CHM: variants seen among roughly 807,000 people sequenced by gnomAD.
The protein encoded by CHM is rab proteins geranylgeranyltransferase component A 1.
CHM carries 10 observed loss-of-function variants against 49.0 expected under a neutral mutation model. The observed-to-expected ratio is 0.20, with a 90% confidence interval of 0.13 to 0.35. The LOEUF (loss-of-function observed/expected upper bound fraction) is 0.35. Among genes scored for constraint, CHM ranks in the 10% least tolerant of loss-of-function variants. CHM has a pLI of 1.00. For missense variants in CHM, 455 were observed against 478.4 expected (o/e 0.95, Z 0.46); for synonymous variants, 184 against 167.5 (o/e 1.10, Z -0.76).
chrX:85,981,360 A>C lies in CHM; in HGVS notation c.189+377T>G, dbSNP rs1242975885. 2.7e-4 allele frequency among the ~76,000 whole-genome samples: 28 copies of C among 105,424 alleles called. No individual in the cohort carries two copies. The Admixed American group carries it at 2.7e-3, about 10-fold the overall frequency. The allele number at this position is 105,424 out of a possible 115,157, so 91.5% of individuals were successfully genotyped here. The stretch of plus-strand genomic sequence containing the variant: ...GTGATTCTCCTGCCTCAGCCTCCTG[A>C]GTAGCTGGGACTACAGGCACGTGCC... On this transcript the variant is annotated intron_variant, in intron 3 of 14. Transcript: ENST00000357749.
At chrX:86,026,106 T>TC in intron 2 of CHM, among the ~76,000 whole-genome samples, 1 of 43,224 alleles carries the variant, frequency 2.3e-5, no homozygotes, top group Non-Finnish European at 3.5e-5. Flanking sequence ...GATTTTCTTT[T>TC]TTTTTTTTTT....
intron 14 of CHM, 49 bp downstream of exon 14, chrX:85,873,003 A>G: frequency 8.7e-7 from 1 of 1,143,676 alleles, no homozygotes; most frequent in Non-Finnish European, 1.2e-6. Flanking sequence ...AATATTTCCC[A>G]ACCACACCAA....
At chrX:86,010,352 A>AT (rs1259111656) in intron 2 of CHM, among the ~76,000 whole-genome samples, 1 of 104,216 alleles carries the variant, frequency 9.6e-6, no homozygotes. Context: ...TTAAAGGATA[A>AT]TTAAAAAAAA....
At position 86,026,569 on chromosome X, in the gene CHM, T is replaced by C. The variant is rs1296750931; in HGVS notation, c.116+922A>G. On this transcript the variant is annotated intron_variant, in intron 2 of 14. Transcript: ENST00000357749. ...AGGCAGGACGTGTATGAAAACTGAA[T>C]CCAATTTAGAAATTTCATCCAGTTG... Among the ~76,000 whole-genome samples the C allele has an allele frequency of 4.5e-5, 5 of 111,608 alleles. 1 individual carries two copies. The Admixed American group carries it at 4.8e-4, about 11-fold the overall frequency.
intron 4 of CHM, among the ~76,000 whole-genome samples, chrX:85,966,053 A>G (rs973567152): frequency 8.9e-6 from 1 of 111,790 alleles, no homozygotes; most frequent in African/African-American, 3.3e-5. Flanking sequence ...TTAATCAAAG[A>G]TAAGATACTA....
At chrX:86,038,907 T>C (rs1174025710) in intron 1 of CHM, among the ~76,000 whole-genome samples, 1 of 112,435 alleles carries the variant, frequency 8.9e-6, no homozygotes, top group Non-Finnish European at 1.9e-5. Context: ...GTTAAAATAA[T>C]CTCATCTTGA....
intron 12 of CHM, among the ~76,000 whole-genome samples, chrX:85,883,518 T>C (rs974433858): frequency 9.0e-6 from 1 of 111,273 alleles, no homozygotes; most frequent in African/African-American, 3.3e-5. Context: ...GGCTTATACT[T>C]TCTCAGTAGA....
At chrX:85,947,451 G>C (rs1243556601) in intron 8 of CHM, among the ~76,000 whole-genome samples, 2 of 111,285 alleles carry the variant, frequency 1.8e-5, no homozygotes, top group African/African-American at 3.3e-5. Context: ...CTCCTGCTCT[G>C]GTCATGTGAC....
At chrX:85,875,511 C>T (rs771043050) in intron 13 of CHM, among the ~76,000 whole-genome samples, 5 of 111,360 alleles carry the variant, frequency 4.5e-5, no homozygotes, top group African/African-American at 1.3e-4. Context: ...ACAACAATAA[C>T]AAGAAAGCAA....
chrX:85,876,838 T>C (rs1924448990), intron 13 of CHM, among the ~76,000 whole-genome samples: 1 of 111,438 alleles, frequency 9.0e-6, no homozygotes. Context: ...CTAAAATGGA[T>C]AGAGGATGCT....
intron 11 of CHM, among the ~76,000 whole-genome samples, chrX:85,897,326 T>C (rs1290370663): frequency 9.7e-6 from 1 of 103,439 alleles, no homozygotes; most frequent in Non-Finnish European, 2.0e-5. Flanking sequence ...TGTGTGTGTG[T>C]GTGTGTGTGT....
In CHM at chrX:85,864,456, T is replaced by C; in HGVS notation, c.*174A>G. The stretch of plus-strand genomic sequence containing the variant: ...AGCAAGTCAATGTGCTTTATAAGTG[T>C]TGTGTGTTCTTGGAATGTCCTCTAT... On this transcript the variant is annotated 3_prime_UTR_variant, in exon 15 of 15. Transcript: ENST00000357749. 3 of 468,673 alleles carry C rather than the reference T, an allele frequency of 6.4e-6. No homozygotes were observed. The highest frequency in any genetic ancestry group is 5.9e-4 in the Middle Eastern group (1 of 1,691). 38.6% of individuals were successfully genotyped at this position (468,673 alleles called of 1,213,427 possible). A position where few individuals can be genotyped will look rare whatever the true frequency, so the allele number is the denominator to read the frequency against.
chrX:86,014,719 C>T (rs1933218720), intron 2 of CHM, among the ~76,000 whole-genome samples: 2 of 111,928 alleles, frequency 1.8e-5, no homozygotes, highest in Admixed American at 9.5e-5. Context: ...GGCACGGTGG[C>T]TCACACCTGT....
At chrX:85,937,273 A>G (rs1367488751) in intron 8 of CHM, among the ~76,000 whole-genome samples, 1 of 109,240 alleles carries the variant, frequency 9.2e-6, no homozygotes, top group African/African-American at 3.3e-5. Context: ...AAAAAAAAAA[A>G]AAAAAAAACA....
At chrX:85,900,202 T>C (rs950285766) in intron 11 of CHM, among the ~76,000 whole-genome samples, 7 of 111,686 alleles carry the variant, frequency 6.3e-5, no homozygotes, top group Non-Finnish European at 1.3e-4. Flanking sequence ...AAGAAAGTCC[T>C]ACCATTTGCA....
chrX:85,989,136 G>T (rs1229848413), intron 2 of CHM, among the ~76,000 whole-genome samples: 1 of 111,666 alleles, frequency 9.0e-6, no homozygotes, highest in Non-Finnish European at 1.9e-5. Context: ...GTATGGTACT[G>T]GTACAAAACC....
Position 85,924,056 on chromosome X carries a change from A to C in CHM, c.1167-12718T>G, listed in dbSNP as rs1327906870. On this transcript the variant is annotated intron_variant, in intron 8 of 14. Coordinates refer to ENST00000357749, the MANE Select transcript of CHM (RefSeq NM_000390.4). Reference sequence around the variant, plus strand: ...CTAATCATGCAAGGCTTTCAAGGCCAGGTTAAAGATCTTAAACTTTACTCT... The same window carrying C: ...CTAATCATGCAAGGCTTTCAAGGCCCGGTTAAAGATCTTAAACTTTACTCT... 8.1e-5 allele frequency among the ~76,000 whole-genome samples: 9 copies of C among 111,534 alleles called. No homozygotes were observed. The East Asian group carries it at 2.0e-3, about 24-fold the overall frequency.
intron 2 of CHM, among the ~76,000 whole-genome samples, chrX:86,005,225 G>A (rs1197795333): frequency 8.9e-6 from 1 of 112,035 alleles, no homozygotes; most frequent in Non-Finnish European, 1.9e-5. Context: ...TGAGAACAAA[G>A]ACACAACATA....
chrX:85,934,284 T>G (rs1175006713), intron 8 of CHM, among the ~76,000 whole-genome samples: 1 of 93,063 alleles, frequency 1.1e-5, no homozygotes, highest in African/African-American at 5.1e-5. Context: ...TCAGCCTTTT[T>G]TTTTTTTTTT....
Sources: allele counts gnomAD v4.1 joint callset (sites outside exome capture counted in the v4.1 genomes callset), GRCh38; gene constraint gnomAD v4.1.1; transcripts MANE v1.5; gene names NCBI Gene and HGNC (gene_info 2026-07-23, HGNC 2026-07-21).